Variants in CCDC150 observed in about 807,000 individuals in gnomAD.
CCDC150 encodes coiled-coil domain containing 150, also known as coiled-coil domain-containing protein 150.
Under a neutral mutation model 156.5 loss-of-function variants are expected in CCDC150, and 151 were observed. The ratio of observed to expected loss-of-function variants is 0.97; its 90% CI spans 0.85 to 1.10. The LOEUF is 1.10. Ranked by LOEUF, CCDC150 falls within the 50% of genes least tolerant of loss-of-function variation. CCDC150 has a pLI of 0.00. For missense variants in CCDC150, 1,312 were observed against 1,268.1 expected, an observed-to-expected ratio of 1.03 and a Z score of -0.53; for synonymous variants, 452 against 429.4, an observed-to-expected ratio of 1.05 and a Z score of -0.65.
intron 15 of CCDC150, among the ~76,000 whole-genome samples, chr2:196,709,963 G>A (rs144875266): frequency 0.051 from 7,784 of 152,296 alleles, 280 homozygotes; most frequent in Middle Eastern, 0.11. Flanking sequence ...ACTACATGGG[G>A]GTCAGGGACC....
chr2:196,709,490 C>G (rs1342515475), intron 15 of CCDC150, among the ~76,000 whole-genome samples: 2 of 152,194 alleles, frequency 1.3e-5, no homozygotes, highest in African/African-American at 4.8e-5. Flanking sequence ...TACCGACCTT[C>G]TGAAGTCTAC....
chr2:196,715,001 C>T (rs1450701402), intron 17 of CCDC150, among the ~76,000 whole-genome samples: 2 of 152,048 alleles, frequency 1.3e-5, no homozygotes, highest in Admixed American at 6.6e-5. Flanking sequence ...TGTTTTATAA[C>T]GTTGAGGTAG....
At chr2:196,694,530 G>A (rs1264568179) in intron 13 of CCDC150, among the ~76,000 whole-genome samples, 4 of 152,098 alleles carry the variant, frequency 2.6e-5, no homozygotes, top group Non-Finnish European at 5.9e-5. Flanking sequence ...TAGAAAAAAT[G>A]TTAGACCCAC....
intron 26 of CCDC150, among the ~76,000 whole-genome samples, chr2:196,731,584 C>G (rs762131909): frequency 4.6e-5 from 7 of 151,530 alleles, no homozygotes; most frequent in Non-Finnish European, 8.8e-5. Flanking sequence ...TGAGGTTCCA[C>G]TGTGTTGCCA....
intron 15 of CCDC150, among the ~76,000 whole-genome samples, chr2:196,701,914 C>G (rs1696238734): frequency 6.6e-6 from 1 of 152,008 alleles, no homozygotes; most frequent in Non-Finnish European, 1.5e-5. Context: ...TTCCATTTTT[C>G]TATATATTTA....
chr2:196,699,346 A>G (rs1341993701), intron 14 of CCDC150, among the ~76,000 whole-genome samples: 1 of 152,250 alleles, frequency 6.6e-6, no homozygotes, highest in Non-Finnish European at 1.5e-5. Context: ...CTAATAGTTA[A>G]TAATCCACCA....
chr2:196,650,268 A>C (rs1209273375), intron 2 of CCDC150, among the ~76,000 whole-genome samples: 6 of 152,228 alleles, frequency 3.9e-5, no homozygotes, highest in Admixed American at 3.9e-4. Context: ...TTTATCCTTC[A>C]TTCTGTTAAT....
intron 22 of CCDC150, chr2:196,727,222 A>G (rs1480226437): frequency 1.3e-5 from 2 of 152,106 alleles, no homozygotes; most frequent in Non-Finnish European, 2.9e-5. Context: ...CCTGGCCAAC[A>G]TGGTGAAACT....
chr2:196,659,487 T>G (rs898325403), intron 5 of CCDC150, among the ~76,000 whole-genome samples: 4 of 152,208 alleles, frequency 2.6e-5, no homozygotes, highest in African/African-American at 7.2e-5. Flanking sequence ...AATAGAGAAG[T>G]AGACATACTT....
At chr2:196,690,179 A>T (rs1170890649) in intron 13 of CCDC150, among the ~76,000 whole-genome samples, 4 of 151,816 alleles carry the variant, frequency 2.6e-5, no homozygotes, top group Admixed American at 2.6e-4. Context: ...GAACAATGAG[A>T]ACACATGGAC....
chr2:196,730,919 A>C lies in CCDC150; in HGVS notation c.3043A>C (p.Lys1015Gln). ...KCKEATENTL[K>Q]EASVESEQIT... ...TAAAGAGGCAACAGAGAATACGCTG[A>C]AAGAAGCCAGTGTGGAATCAGAACA... The change falls in exon 26 of 28, where the codon AAA becomes CAA. Residue 1015 changes from lysine to glutamine, a missense_variant. Transcript: ENST00000389175. 1 of 1,600,480 alleles carries C rather than the reference A, an allele frequency of 6.2e-7. No homozygotes were observed. The highest frequency in any genetic ancestry group is 8.5e-7 in the Non-Finnish European group (1 of 1,173,336).
chr2:196,656,145 C>T (rs1693173606), intron 2 of CCDC150, among the ~76,000 whole-genome samples: 1 of 152,170 alleles, frequency 6.6e-6, no homozygotes, highest in African/African-American at 2.4e-5. Flanking sequence ...TCTGGGGAGA[C>T]TTGTGTATGC....
In CCDC150 at chr2:196,677,303, CAG is replaced by C; in HGVS notation, c.1453_1454del (p.Glu485LysfsTer16). The stretch of plus-strand genomic sequence containing the variant: ...ATCCTCCTTGGGCAGGTTAATAAAA[CAG>C]AAAAAGAAATAGTGCAAGAAAGATG... On this transcript the variant is annotated frameshift_variant, in exon 13 of 28. Coordinates refer to ENST00000389175, the MANE Select transcript of CCDC150 (RefSeq NM_001080539.2). LOFTEE classifies it high-confidence loss of function. 6.4e-7 allele frequency: 1 copy of C among 1,568,394 alleles called. No individual in the cohort carries two copies. Among genetic ancestry groups the C allele is most frequent in the Non-Finnish European group, 8.7e-7 (1 of 1,155,218 alleles).
chr2:196,695,609 C>G (rs936774643), intron 14 of CCDC150, among the ~76,000 whole-genome samples: 1 of 151,922 alleles, frequency 6.6e-6, no homozygotes, highest in Non-Finnish European at 1.5e-5. Context: ...TTTGGGAGGC[C>G]GAGGCAGGTG....
intron 4 of CCDC150, among the ~76,000 whole-genome samples, chr2:196,658,411 G>A (rs1019084871): frequency 1.3e-5 from 2 of 151,920 alleles, no homozygotes; most frequent in African/African-American, 4.8e-5. Flanking sequence ...TCCTCAACTT[G>A]TAAGCACGAA....
chr2:196,714,062 G>A (rs1461663446), intron 17 of CCDC150, among the ~76,000 whole-genome samples: 1 of 152,112 alleles, frequency 6.6e-6, no homozygotes, highest in Non-Finnish European at 1.5e-5. Context: ...ACTTATTAGA[G>A]CATTCATCTT....
chr2:196,662,747 G>A (rs966388845), intron 5 of CCDC150, among the ~76,000 whole-genome samples: 2 of 151,954 alleles, frequency 1.3e-5, no homozygotes, highest in African/African-American at 2.4e-5. Context: ...TGGGCAACAT[G>A]GCAAAACCCC....
intron 7 of CCDC150, chr2:196,667,097 C>A: frequency 2.0e-6 from 1 of 489,286 alleles, no homozygotes; most frequent in South Asian, 2.7e-5. Flanking sequence ...GTTTGTGGAC[C>A]TGGGAATATT....
At chr2:196,729,122 A>G in intron 22 of CCDC150, 71 bp from the exon 23 acceptor site, 1 of 1,312,582 alleles carries the variant, frequency 7.6e-7, no homozygotes, top group Non-Finnish European at 1.0e-6. Context: ...GATAAAATAT[A>G]AGGACAAAAC....
Sources: allele counts gnomAD v4.1 joint callset (sites outside exome capture counted in the v4.1 genomes callset), GRCh38; gene constraint gnomAD v4.1.1; transcripts MANE v1.5; gene names NCBI Gene and HGNC (gene_info 2026-07-23, HGNC 2026-07-21).